Variants in SHLD2 observed in about 807,000 individuals in gnomAD.
The protein encoded by SHLD2 is RINN1-REV7-interacting novel NHEJ regulator 2.
Under a neutral mutation model 73.2 loss-of-function variants are expected in SHLD2, and 30 were observed. The observed-to-expected ratio is 0.41, with a 90% confidence interval of 0.31 to 0.56. SHLD2 has a LOEUF of 0.56. SHLD2 is among the 20% of genes least tolerant of loss of function. The pLI, the probability that SHLD2 is intolerant of heterozygous loss-of-function variation, is 0.28. For missense variants in SHLD2, 745 were observed against 1,055.9 expected (o/e 0.71, Z 4.08); for synonymous variants, 285 against 370.1 (o/e 0.77, Z 2.64).
intron 2 of SHLD2, among the ~76,000 whole-genome samples, chr10:87,097,316 T>G (rs1399516655): frequency 6.6e-6 from 1 of 152,214 alleles, no homozygotes; most frequent in Non-Finnish European, 1.5e-5. Context: ...ATCCCAGCAC[T>G]TTAGGAGGCT....
chr10:87,171,728 A>G (rs1847605445), intron 6 of SHLD2, among the ~76,000 whole-genome samples: 1 of 152,190 alleles, frequency 6.6e-6, no homozygotes, highest in East Asian at 1.9e-4. Context: ...TGCCTTCCAA[A>G]TAGTTATTTG....
chr10:87,094,870 T>G, upstream of SHLD2: 1 of 880,206 alleles, frequency 1.1e-6, no homozygotes, highest in Non-Finnish European at 1.7e-6. The surrounding 1 kb of genome is among the most constrained non-coding windows in gnomAD (Gnocchi z 6.6). Context: ...GTTGCCCTTT[T>G]AAGCCGCAGC....
chr10:87,141,443 A>G (rs1198700391), intron 2 of SHLD2, among the ~76,000 whole-genome samples: 3 of 149,984 alleles, frequency 2.0e-5, no homozygotes, highest in Admixed American at 6.7e-5. Flanking sequence ...TGGATTCAAG[A>G]TGATTCTTTT....
At chr10:87,190,019 TTG>T (rs903119420) in intron 9 of SHLD2, among the ~76,000 whole-genome samples, 1 of 152,088 alleles carries the variant, frequency 6.6e-6, no homozygotes, top group Non-Finnish European at 1.5e-5. Context: ...CCTCAATAGC[TTG>T]TAACTAGAAA....
At chr10:87,110,750 G>C (rs1198791827) in intron 2 of SHLD2, among the ~76,000 whole-genome samples, 1 of 151,480 alleles carries the variant, frequency 6.6e-6, no homozygotes, top group East Asian at 1.9e-4. Flanking sequence ...AGGAAATGTA[G>C]GTTTAAATAT....
intron 2 of SHLD2, among the ~76,000 whole-genome samples, chr10:87,149,172 G>C (rs1286466155): frequency 6.6e-6 from 1 of 151,790 alleles, no homozygotes; most frequent in African/African-American, 2.4e-5. Flanking sequence ...ACAGGCGTGA[G>C]CCACCATGCC....
At chr10:87,157,516 A>G (rs1281246411) in intron 3 of SHLD2, among the ~76,000 whole-genome samples, 3 of 152,162 alleles carry the variant, frequency 2.0e-5, no homozygotes, top group Admixed American at 1.3e-4. Flanking sequence ...TCTCTTTCCA[A>G]TTGGAAAATG....
At chr10:87,129,500 T>A (rs921230490) in intron 2 of SHLD2, among the ~76,000 whole-genome samples, 19 of 152,368 alleles carry the variant, frequency 1.2e-4, no homozygotes, top group African/African-American at 4.3e-4. Flanking sequence ...GATTCCCCAT[T>A]GCATAGATGC....
chr10:87,182,007 A>T (rs1278283864), intron 8 of SHLD2, among the ~76,000 whole-genome samples: 2 of 152,098 alleles, frequency 1.3e-5, no homozygotes, highest in Non-Finnish European at 2.9e-5. Context: ...ACCTCAGGTG[A>T]TCCACCCGTC....
At chr10:87,143,895 A>G (rs3129357) in intron 2 of SHLD2, among the ~76,000 whole-genome samples, 45,102 of 135,378 alleles carry the variant, frequency 0.33, 7,935 homozygotes, top group East Asian at 0.74. Context: ...ACGGAGTCTC[A>G]CTCTGTCGCC....
At chr10:87,182,770 G>A (rs1848392309) in intron 8 of SHLD2, among the ~76,000 whole-genome samples, 1 of 151,710 alleles carries the variant, frequency 6.6e-6, no homozygotes, top group African/African-American at 2.4e-5. Context: ...TCATCTGAAG[G>A]CTTGACTGGG....
intron 2 of SHLD2, among the ~76,000 whole-genome samples, chr10:87,122,042 G>A (rs891190780): frequency 2.0e-5 from 3 of 151,920 alleles, no homozygotes; most frequent in Non-Finnish European, 2.9e-5. Flanking sequence ...TGGGATTACA[G>A]GCGTGAGCCA....
intron 9 of SHLD2, among the ~76,000 whole-genome samples, chr10:87,189,190 G>A (rs1589687783): frequency 6.6e-6 from 1 of 152,030 alleles, no homozygotes; most frequent in East Asian, 1.9e-4. Flanking sequence ...TAGTAGATAT[G>A]GGGTTTCTCT....
At chr10:87,156,160 G>A (rs1379985484) in intron 3 of SHLD2, among the ~76,000 whole-genome samples, 1 of 150,506 alleles carries the variant, frequency 6.6e-6, no homozygotes, top group African/African-American at 2.4e-5. Context: ...TCTGCCTCCT[G>A]GGTTCAAGTG....
chr10:87,094,558 T>G (rs1388392497), upstream of SHLD2: 3 of 1,611,988 alleles, frequency 1.9e-6, no homozygotes, highest in Admixed American at 5.0e-5. This position sits in a 1 kb window ranked among gnomAD's most constrained non-coding sequence, Gnocchi z 6.6. Flanking sequence ...GAAGAAGCCC[T>G]CCACCATCTT....
intron 2 of SHLD2, among the ~76,000 whole-genome samples, chr10:87,143,276 G>T (rs1471563851): frequency 1.3e-5 from 2 of 152,134 alleles, no homozygotes; most frequent in Non-Finnish European, 2.9e-5. Flanking sequence ...CGTGGATGGG[G>T]AGGTGAAGTG....
chr10:87,148,294 G>A (rs557663583), intron 2 of SHLD2, among the ~76,000 whole-genome samples: 1 of 152,274 alleles, frequency 6.6e-6, no homozygotes, highest in South Asian at 2.1e-4. Flanking sequence ...AGTGATTGAA[G>A]GAATAATCCA....
At chr10:87,142,435 C>T (rs1240426881) in intron 2 of SHLD2, among the ~76,000 whole-genome samples, 4 of 152,172 alleles carry the variant, frequency 2.6e-5, no homozygotes, top group Non-Finnish European at 5.9e-5. Flanking sequence ...TGCCAGTACT[C>T]CCTCCACTAC....
At chr10:87,188,221 T>C (rs1426756748) in intron 9 of SHLD2, among the ~76,000 whole-genome samples, 3 of 152,242 alleles carry the variant, frequency 2.0e-5, no homozygotes, top group Non-Finnish European at 4.4e-5. Context: ...TTATGTGGCA[T>C]GGCAGCTGAG....
Sources: allele counts gnomAD v4.1 joint callset (sites outside exome capture counted in the v4.1 genomes callset), GRCh38; gene constraint gnomAD v4.1.1; non-coding constraint Gnocchi (gnomAD v3.1); transcripts MANE v1.5; gene names NCBI Gene and HGNC (gene_info 2026-07-23, HGNC 2026-07-21).